KCNH5: variants seen among roughly 807,000 people sequenced by gnomAD.
The protein encoded by KCNH5 is voltage-gated delayed rectifier potassium channel KCNH5.
In KCNH5, 46 loss-of-function variants were observed where a neutral mutation model predicts 96.1. That is an observed-to-expected ratio of 0.48 (90% CI 0.38 to 0.61). The LOEUF is 0.61. Ranked by LOEUF, KCNH5 falls within the 20% of genes least tolerant of loss-of-function variation. KCNH5 has a pLI of 0.00. For synonymous variants in KCNH5, 439 were observed against 449.8 expected (o/e 0.98, Z 0.30); for missense variants, 907 against 1,225.8 (o/e 0.74, Z 3.88).
In KCNH5 at chr14:63,006,217, T is replaced by C. The variant is rs1402820735; in HGVS notation, c.304+149A>G. On this transcript the variant is annotated intron_variant, in intron 3 of 10. Coordinates refer to ENST00000322893, the MANE Select transcript of KCNH5 (RefSeq NM_139318.5). ...TAGGTAGAATTATTTATTAATTTTA[T>C]TATCTAATTTCACCAGCAACCTCTG... is the stretch of plus-strand genomic sequence containing the variant. The C allele has an allele frequency of 1.9e-5, 8 of 425,370 alleles. No individual in the cohort carries two copies. In the East Asian group the frequency reaches 2.7e-4, roughly 14 times the overall value. 26.3% of individuals were successfully genotyped at this position (425,370 alleles called of 1,614,324 possible). A position where few individuals can be genotyped will look rare whatever the true frequency, so the allele number is the denominator to read the frequency against.
intron 5 of KCNH5, among the ~76,000 whole-genome samples, chr14:62,984,710 T>G (rs1890671496): frequency 6.6e-6 from 1 of 152,122 alleles, no homozygotes; most frequent in South Asian, 2.1e-4. Flanking sequence ...AGAACCAGGT[T>G]TATGAATAAG....
At position 62,917,542 on chromosome 14, in the gene KCNH5, G is replaced by A. The variant is rs17823795; in HGVS notation, c.1369+32591C>T. ...AGAAATTTATCTGCACCAAAATCCA[G>A]CATAATACCAAGAATAAAACCCTTT... On this transcript the variant is annotated intron_variant, in intron 7 of 10. Transcript: ENST00000322893. Among the ~76,000 whole-genome samples, 937 of 152,136 alleles carry A rather than the reference G, an allele frequency of 6.2e-3. 48 individuals are homozygous for A. In the East Asian group the frequency reaches 0.11, roughly 18 times the overall value.
intron 7 of KCNH5, among the ~76,000 whole-genome samples, chr14:62,892,660 A>G (rs1888734509): frequency 6.6e-6 from 1 of 152,220 alleles, no homozygotes; most frequent in Non-Finnish European, 1.5e-5. Flanking sequence ...CTCTCTTGTC[A>G]GTAGTTAATG....
At chr14:62,797,551 C>A (rs913451674) in intron 9 of KCNH5, among the ~76,000 whole-genome samples, 1 of 152,124 alleles carries the variant, frequency 6.6e-6, no homozygotes, top group Admixed American at 6.6e-5. Flanking sequence ...AGCAAGTGCA[C>A]AGGAAGAAAT....
intron 3 of KCNH5, among the ~76,000 whole-genome samples, chr14:63,003,483 T>TTA (rs1220099936): frequency 7.9e-6 from 1 of 127,068 alleles, no homozygotes; most frequent in Non-Finnish European, 1.6e-5. Context: ...TATATATATT[T>TTA]TATATATATT....
intron 8 of KCNH5, among the ~76,000 whole-genome samples, chr14:62,806,464 C>A (rs1566666513): frequency 6.6e-6 from 1 of 151,992 alleles, no homozygotes; most frequent in Non-Finnish European, 1.5e-5. Context: ...AAACCCTGAC[C>A]CAACAGCTAC....
At chr14:62,802,771 G>A (rs985728273) in intron 8 of KCNH5, among the ~76,000 whole-genome samples, 190 bp from the exon 9 acceptor site, 1 of 152,186 alleles carries the variant, frequency 6.6e-6, no homozygotes. Context: ...CCACTGAGAT[G>A]GGCTGATGAG....
At chr14:62,903,279 TGTACTACCAAATCTCA>T (rs1888964544) in intron 7 of KCNH5, among the ~76,000 whole-genome samples, 1 of 152,118 alleles carries the variant, frequency 6.6e-6, no homozygotes, top group African/African-American at 2.4e-5. Context: ...CACACACCCT[TGTACTACCAAATCTCA>T]GTTCATTCCT....
intron 6 of KCNH5, among the ~76,000 whole-genome samples, chr14:62,969,620 G>C (rs1594651532): frequency 6.6e-6 from 1 of 152,148 alleles, no homozygotes; most frequent in East Asian, 1.9e-4. Context: ...AGAGCATCAA[G>C]AAGAACAGTT....
chr14:62,818,601 CTT>C (rs1310605916), intron 8 of KCNH5, among the ~76,000 whole-genome samples: 3 of 152,074 alleles, frequency 2.0e-5, no homozygotes. Context: ...ACTCAAAACT[CTT>C]TGGTAATTTT....
At chr14:62,798,117 G>A (rs1433771317) in intron 9 of KCNH5, among the ~76,000 whole-genome samples, 1 of 152,040 alleles carries the variant, frequency 6.6e-6, no homozygotes, top group African/African-American at 2.4e-5. Flanking sequence ...TGTTATTCCT[G>A]GCCTCGTTTA....
At chr14:62,927,097 C>A (rs1212661071) in intron 7 of KCNH5, among the ~76,000 whole-genome samples, 4 of 152,138 alleles carry the variant, frequency 2.6e-5, no homozygotes, top group African/African-American at 9.7e-5. Context: ...CTTGAATAGA[C>A]CCTTCTTCAA....
intron 8 of KCNH5, among the ~76,000 whole-genome samples, chr14:62,831,947 A>C (rs892003217): frequency 2.0e-5 from 3 of 152,082 alleles, no homozygotes; most frequent in Non-Finnish European, 2.9e-5. Flanking sequence ...TCCTTGGCTC[A>C]AACAATCCTC....
intron 5 of KCNH5, among the ~76,000 whole-genome samples, chr14:62,984,397 G>T (rs1890666456): frequency 6.6e-6 from 1 of 152,102 alleles, no homozygotes; most frequent in Non-Finnish European, 1.5e-5. Context: ...TGAAACTGGG[G>T]ATCAGCTCCA....
rs61033705 is a variant in KCNH5, at chr14:62,910,941, A to ACACACCCC, written c.1369+39191_1369+39192insGGGGTGTG. Among the ~76,000 whole-genome samples the ACACACCCC allele has an allele frequency of 7.5e-4, 106 of 140,888 alleles. 2 individuals carry two copies. The South Asian group carries it at 9.7e-3, about 13-fold the overall frequency. The allele number at this position is 140,888 out of a possible 152,430, so 92.4% of individuals were successfully genotyped here. On this transcript the variant is annotated intron_variant, in intron 7 of 10. Transcript: ENST00000322893. ...CACACACACACACACACACACACAC[A>ACACACCCC]CCCCTCTGTTGTTCTGTCATCCTAT...
intron 8 of KCNH5, among the ~76,000 whole-genome samples, chr14:62,833,921 T>A (rs1268817119): frequency 6.6e-6 from 1 of 152,062 alleles, no homozygotes; most frequent in Non-Finnish European, 1.5e-5. Flanking sequence ...TCCCACTGTC[T>A]TAATTACCTT....
At chr14:62,763,427 C>T (rs1166685953) in intron 10 of KCNH5, among the ~76,000 whole-genome samples, 1 of 152,028 alleles carries the variant, frequency 6.6e-6, no homozygotes, top group African/African-American at 2.4e-5. Flanking sequence ...ATGCCCACAT[C>T]AGAAGGTAGA....
rs77973281 is a variant in KCNH5 at position 62,995,110 on chromosome 14, C to A, written c.433+6221G>T. ...CCAGATATGAATCAGAAATAAAATT[C>A]AGAGTGAGTCCATTTATTTAAGTCT... On this transcript the variant is annotated intron_variant, in intron 4 of 10. Transcript: ENST00000322893. Among the ~76,000 whole-genome samples, 1,442 of 152,098 alleles carry A rather than the reference C, an allele frequency of 9.5e-3. 15 individuals carry two copies. The highest frequency in any genetic ancestry group is 0.015 in the Non-Finnish European group (1,040 of 67,936).
intron 7 of KCNH5, among the ~76,000 whole-genome samples, chr14:62,874,078 G>A (rs1543436): frequency 0.63 from 95,817 of 151,998 alleles, 30,748 homozygotes; most frequent in East Asian, 0.87. Context: ...AGAACTGAAC[G>A]TGGACTAAAG....
Sources: allele counts gnomAD v4.1 joint callset (sites outside exome capture counted in the v4.1 genomes callset), GRCh38; gene constraint gnomAD v4.1.1; transcripts MANE v1.5; gene names NCBI Gene and HGNC (gene_info 2026-07-23, HGNC 2026-07-21).